NFIB: variants seen among roughly 807,000 people sequenced by gnomAD.
The protein encoded by NFIB is nuclear factor 1 B-type.
Under a neutral mutation model 61.5 loss-of-function variants are expected in NFIB, and 11 were observed. The observed-to-expected ratio is 0.18, with a 90% CI of 0.11 to 0.30. The LOEUF is 0.30. Ranked by LOEUF, NFIB falls within the 10% of genes least tolerant of loss-of-function variation. NFIB has a pLI of 1.00. For synonymous variants in NFIB, 260 were observed against 216.5 expected, an observed-to-expected ratio of 1.20 and a Z score of -1.76; for missense variants, 471 against 608.9, an observed-to-expected ratio of 0.77 and a Z score of 2.38.
At chr9:14,467,259 T>G in the NFIB span, among the ~76,000 whole-genome samples, 1 of 152,212 alleles carries the variant, frequency 6.6e-6, no homozygotes, top group Non-Finnish European at 1.5e-5. Context: ...GGCTTCATTT[T>G]AATCCTTGAC....
chr9:14,437,695 C>T, the NFIB span, among the ~76,000 whole-genome samples: 1 of 152,158 alleles, frequency 6.6e-6, no homozygotes, highest in East Asian at 1.9e-4. Flanking sequence ...CGGAGGGGGT[C>T]CCCCACCTCC....
chr9:14,293,767 G>C (rs1179469457), intron 2 of NFIB, among the ~76,000 whole-genome samples: 1 of 152,128 alleles, frequency 6.6e-6, no homozygotes, highest in Admixed American at 6.5e-5. Context: ...CTGGATATTA[G>C]ATTGAAAAAC....
At chr9:14,484,441 A>C in the NFIB span, among the ~76,000 whole-genome samples, 1 of 152,212 alleles carries the variant, frequency 6.6e-6, no homozygotes, top group African/African-American at 2.4e-5. Context: ...TTGCCCTTAT[A>C]CCCAATCTTC....
At chr9:14,312,895 CAGCA>C (rs938431315) in intron 1 of NFIB, among the ~76,000 whole-genome samples, 1 of 152,158 alleles carries the variant, frequency 6.6e-6, no homozygotes, top group Non-Finnish European at 1.5e-5. Context: ...CCCCAAAGTG[CAGCA>C]GGTCACTATG....
At chr9:14,271,547 C>T (rs939704412) in intron 2 of NFIB, among the ~76,000 whole-genome samples, 4 of 151,886 alleles carry the variant, frequency 2.6e-5, no homozygotes, top group Non-Finnish European at 4.4e-5. Context: ...GTATTAGGAC[C>T]GGGAAAAAAA....
intron 1 of NFIB, chr9:14,398,405 C>T (rs1352422630): frequency 4.5e-6 from 3 of 673,754 alleles, no homozygotes; most frequent in Admixed American, 6.4e-5. Flanking sequence ...AGCCCTGCAA[C>T]AGGAAGGACC....
At chr9:14,472,556 A>G in the NFIB span, among the ~76,000 whole-genome samples, 3 of 152,202 alleles carry the variant, frequency 2.0e-5, no homozygotes, top group African/African-American at 7.2e-5. Context: ...TTTTATTACA[A>G]TTTATAAAAG....
At chr9:14,179,403 A>T (rs1477217095) in intron 3 of NFIB, among the ~76,000 whole-genome samples, 1 of 152,112 alleles carries the variant, frequency 6.6e-6, no homozygotes, top group African/African-American at 2.4e-5. Context: ...TATGAGTTTT[A>T]AAAGAAAGAT....
chr9:14,145,508 A>G (rs2042184470), intron 6 of NFIB, among the ~76,000 whole-genome samples: 1 of 152,128 alleles, frequency 6.6e-6, no homozygotes, highest in Non-Finnish European at 1.5e-5. Context: ...AAGAAGGAGC[A>G]CTGAATAAAG....
At chr9:14,311,844 G>C (rs2060294243) in intron 1 of NFIB, among the ~76,000 whole-genome samples, 1 of 152,094 alleles carries the variant, frequency 6.6e-6, no homozygotes, top group Non-Finnish European at 1.5e-5. Context: ...GCTTTGATTT[G>C]TTTTATTTGA....
the NFIB span, among the ~76,000 whole-genome samples, chr9:14,493,198 T>C: frequency 6.6e-6 from 1 of 152,174 alleles, no homozygotes; most frequent in Admixed American, 6.6e-5. Flanking sequence ...TAAGGCCATA[T>C]TTGGCCTGGC....
intron 2 of NFIB, among the ~76,000 whole-genome samples, chr9:14,229,634 G>C (rs1016125187): frequency 1.3e-5 from 2 of 152,136 alleles, no homozygotes; most frequent in Admixed American, 1.3e-4. Flanking sequence ...AGAGTTCTCA[G>C]CTTTACATAA....
In NFIB at chr9:14,196,656, G is replaced by C. The variant is rs575977457; in HGVS notation, c.563-16876C>G. On this transcript the variant is annotated intron_variant, in intron 2 of 10. Transcript: ENST00000380953. The stretch of plus-strand genomic sequence containing the variant: ...TTGAAATCAGGTTGAAAGATTAGTA[G>C]TAATTTTACTCCCAATTCTCTTATT... Among the ~76,000 whole-genome samples the C allele has an allele frequency of 2.1e-5, 3 of 144,920 alleles. No homozygotes were observed. The Admixed American group carries it at 2.1e-4, about 10-fold the overall frequency.
intron 2 of NFIB, among the ~76,000 whole-genome samples, chr9:14,301,443 G>A (rs2059745865): frequency 6.6e-6 from 1 of 152,092 alleles, no homozygotes; most frequent in African/African-American, 2.4e-5. Flanking sequence ...ACAGGGTGGG[G>A]GGAAGGATGC....
intron 2 of NFIB, among the ~76,000 whole-genome samples, chr9:14,187,550 C>G (rs931188403): frequency 6.6e-6 from 1 of 152,194 alleles, no homozygotes; most frequent in Admixed American, 6.5e-5. Flanking sequence ...AAGAAAACTA[C>G]AGAACAAGAG....
At position 14,245,710 on chromosome 9, in the gene NFIB, CAAA is replaced by C. The variant is rs796888120; in HGVS notation, c.562+61276_562+61278del. On this transcript the variant is annotated intron_variant, in intron 2 of 10. Coordinates refer to ENST00000380953, the MANE Select transcript of NFIB (RefSeq NM_001190737.2). ...CAACATGGCAAAACCCCATTTCTAC[CAAA>C]AATAGAAAAATCAGCAGGGCGTTGT... is the stretch of plus-strand genomic sequence containing the variant. 1.1e-4 allele frequency among the ~76,000 whole-genome samples: 17 copies of C among 151,910 alleles called. 1 individual carries two copies. The highest frequency in any genetic ancestry group is 3.9e-4 in the African/African-American group (16 of 41,450).
At chr9:14,092,221 A>G (rs774943096) in intron 10 of NFIB, among the ~76,000 whole-genome samples, 28 of 152,208 alleles carry the variant, frequency 1.8e-4, no homozygotes, top group Non-Finnish European at 2.6e-4. Flanking sequence ...CAGGGAAGAT[A>G]TAGCAGTTGA....
At chr9:14,381,782 C>G (rs2061491941) in intron 1 of NFIB, among the ~76,000 whole-genome samples, 1 of 152,250 alleles carries the variant, frequency 6.6e-6, no homozygotes, top group South Asian at 2.1e-4. Context: ...TTCACGTTTA[C>G]TAGAATGTAA....
chr9:14,226,180 C>G (rs1392814736), intron 2 of NFIB, among the ~76,000 whole-genome samples: 1 of 151,980 alleles, frequency 6.6e-6, no homozygotes, highest in African/African-American at 2.4e-5. Context: ...GATCATCTCC[C>G]TTTTAACAAG....
Sources: gnomAD v4.1 joint callset for allele counts (sites outside exome capture counted in the v4.1 genomes callset) on GRCh38, gnomAD v4.1.1 for gene constraint, MANE v1.5 for transcripts, NCBI Gene and HGNC (gene_info 2026-07-23, HGNC 2026-07-21) for gene names.